The following CNTNAP2 variants were observed in gnomAD, a reference collection of about 807,000 sequenced individuals.
CNTNAP2 encodes the protein contactin-associated protein-like 2.
In CNTNAP2, 98 loss-of-function variants were observed where a neutral mutation model predicts 155.2. The observed-to-expected ratio is 0.63, with a 90% CI of 0.54 to 0.75. The LOEUF is 0.75. Among genes scored for constraint, CNTNAP2 ranks in the 30% least tolerant of loss-of-function variants. The probability of loss-of-function intolerance (pLI) is 0.00; values close to 1 mark genes in which losing one functional copy is unlikely to be tolerated. For synonymous variants in CNTNAP2, 651 were observed against 631.2 expected (o/e 1.03, Z -0.47); for missense variants, 1,727 against 1,688.1 (o/e 1.02, Z -0.40).
intron 1 of CNTNAP2, among the ~76,000 whole-genome samples, chr7:146,411,664 C>A (rs2129111158): frequency 6.6e-6 from 1 of 152,026 alleles, no homozygotes; most frequent in Middle Eastern, 3.4e-3. Context: ...ATAGTTCCAA[C>A]CGTGTTGTGT....
At chr7:147,276,696 C>T (rs1211202312) in intron 8 of CNTNAP2, among the ~76,000 whole-genome samples, 2 of 151,972 alleles carry the variant, frequency 1.3e-5, no homozygotes, top group Non-Finnish European at 2.9e-5. Context: ...TTTGAGAGCT[C>T]ATAAGGTCTT....
intron 15 of CNTNAP2, among the ~76,000 whole-genome samples, chr7:148,100,185 T>G (rs944847338): frequency 3.3e-5 from 5 of 152,054 alleles, no homozygotes; most frequent in Non-Finnish European, 7.4e-5. Flanking sequence ...CCTCCCTCTT[T>G]TGAAGACTTG....
At chr7:146,952,411 A>C (rs1235919549) in intron 3 of CNTNAP2, among the ~76,000 whole-genome samples, 1 of 152,124 alleles carries the variant, frequency 6.6e-6, no homozygotes, top group Non-Finnish European at 1.5e-5. Context: ...TCAACAGAGT[A>C]TTGGAAGTTC....
chr7:147,832,425 G>A (rs967033943), intron 13 of CNTNAP2, among the ~76,000 whole-genome samples: 19 of 145,300 alleles, frequency 1.3e-4, no homozygotes, highest in Middle Eastern at 3.7e-3. Context: ...AGTCAAAAAC[G>A]TGATTCAAAG....
At chr7:146,623,491 C>T (rs1412193427) in intron 1 of CNTNAP2, among the ~76,000 whole-genome samples, 2 of 152,104 alleles carry the variant, frequency 1.3e-5, no homozygotes, top group Admixed American at 6.6e-5. Flanking sequence ...TTTGTCTGTT[C>T]CAGAATGTCA....
At position 146,679,682 on chromosome 7, in the gene CNTNAP2, C is replaced by CT. The variant is rs779194752; in HGVS notation, c.98-94589_98-94588insT. On this transcript the variant is annotated intron_variant, in intron 1 of 23. Coordinates refer to ENST00000361727, the MANE Select transcript of CNTNAP2 (RefSeq NM_014141.6). ...TCTTGTTTCTTTCTCTCCCTTCCTT[C>CT]CTCCTTTCCTTTCTCTGTCTTCATT... Among the ~76,000 whole-genome samples the CT allele has an allele frequency of 5.9e-5, 9 of 151,972 alleles. No individual in the cohort carries two copies. The East Asian group carries it at 1.4e-3, about 23-fold the overall frequency.
At chr7:146,703,333 A>G (rs1284246080) in intron 1 of CNTNAP2, among the ~76,000 whole-genome samples, 1 of 152,098 alleles carries the variant, frequency 6.6e-6, no homozygotes, top group African/African-American at 2.4e-5. Flanking sequence ...TGACTTTTCT[A>G]TTTGGTAATG....
intron 10 of CNTNAP2, among the ~76,000 whole-genome samples, chr7:147,445,821 G>A (rs913614650): frequency 2.6e-5 from 4 of 151,540 alleles, no homozygotes; most frequent in Non-Finnish European, 5.9e-5. Flanking sequence ...TGGAGACGGG[G>A]TCTTGCTCTG....
chr7:147,520,412 C>A (rs890296715), intron 11 of CNTNAP2, among the ~76,000 whole-genome samples: 3 of 152,128 alleles, frequency 2.0e-5, no homozygotes, highest in Non-Finnish European at 4.4e-5. Context: ...TGTTTACTAC[C>A]ATTGCCCTGT....
Position 146,190,845 on chromosome 7 carries a change from C to T in CNTNAP2, c.97+73872C>T, listed in dbSNP as rs544506991. Among the ~76,000 whole-genome samples the T allele has an allele frequency of 9.1e-4, 139 of 152,136 alleles. 1 individual carries two copies. The highest frequency in any genetic ancestry group is 3.2e-3 in the African/African-American group (131 of 41,514). ...TCCCTTCTCTCTCTTTCTAAACAGA[C>T]ATCTAGTCATTAAGAACATGAAAAA... On this transcript the variant is annotated intron_variant, in intron 1 of 23. Coordinates refer to ENST00000361727, the MANE Select transcript of CNTNAP2 (RefSeq NM_014141.6).
intron 2 of CNTNAP2, among the ~76,000 whole-genome samples, chr7:146,789,590 G>A (rs1802634925): frequency 1.4e-5 from 2 of 144,272 alleles, no homozygotes; most frequent in South Asian, 4.6e-4. Flanking sequence ...TATTATGTGG[G>A]GTGGCAGGCA....
intron 14 of CNTNAP2, among the ~76,000 whole-genome samples, chr7:147,968,735 G>T (rs565398511): frequency 1.7e-4 from 26 of 152,240 alleles, no homozygotes; most frequent in Non-Finnish European, 3.7e-4. Context: ...TTTCAGTGAT[G>T]CCAGGAACGT....
intron 21 of CNTNAP2, among the ~76,000 whole-genome samples, chr7:148,275,371 AC>A (rs1260333182): frequency 6.6e-6 from 1 of 152,202 alleles, no homozygotes; most frequent in Non-Finnish European, 1.5e-5. Context: ...AGGAAGTAAC[AC>A]AGAAGCTGGG....
At chr7:147,648,121 T>G (rs1271235462) in intron 13 of CNTNAP2, among the ~76,000 whole-genome samples, 2 of 152,138 alleles carry the variant, frequency 1.3e-5, no homozygotes, top group African/African-American at 2.4e-5. Flanking sequence ...AGAGTAGGGG[T>G]TTAAAAATGT....
chr7:146,387,292 A>G (rs1795475072), intron 1 of CNTNAP2, among the ~76,000 whole-genome samples: 1 of 152,152 alleles, frequency 6.6e-6, no homozygotes, highest in South Asian at 2.1e-4. Flanking sequence ...TATTCAACCC[A>G]AAACCACCAG....
At chr7:146,128,649 A>G (rs1356502214) in intron 1 of CNTNAP2, among the ~76,000 whole-genome samples, 1 of 152,134 alleles carries the variant, frequency 6.6e-6, no homozygotes, top group Non-Finnish European at 1.5e-5. Context: ...AAATTACCCA[A>G]ATATTTCTAG....
intron 21 of CNTNAP2, among the ~76,000 whole-genome samples, chr7:148,326,125 C>T (rs905323887): frequency 7.0e-6 from 1 of 143,034 alleles, no homozygotes; most frequent in Non-Finnish European, 1.5e-5. Flanking sequence ...TTCAATGGAC[C>T]TATGCAAACA....
chr7:147,704,873 A>G (rs1432268930), intron 13 of CNTNAP2, among the ~76,000 whole-genome samples: 1 of 152,024 alleles, frequency 6.6e-6, no homozygotes, highest in Non-Finnish European at 1.5e-5. Context: ...AGTTTTTCAT[A>G]ATGGTCTTTA....
intron 14 of CNTNAP2, among the ~76,000 whole-genome samples, chr7:147,947,861 A>G (rs1465017899): frequency 6.6e-6 from 1 of 152,110 alleles, no homozygotes; most frequent in East Asian, 1.9e-4. Flanking sequence ...CCTGGCTTTC[A>G]TTTTTTTAAA....
Sources: allele counts gnomAD v4.1 joint callset (sites outside exome capture counted in the v4.1 genomes callset), GRCh38; gene constraint gnomAD v4.1.1; transcripts MANE v1.5; gene names NCBI Gene and HGNC (gene_info 2026-07-23, HGNC 2026-07-21).